GREB1L: variants seen among roughly 807,000 people sequenced by gnomAD.
GREB1L encodes the protein GREB1 like retinoic acid receptor coactivator.
Under a neutral mutation model 200.8 loss-of-function variants are expected in GREB1L, and 17 were observed. That is an observed-to-expected ratio of 0.08 (90% CI 0.06 to 0.13). The LOEUF (loss-of-function observed/expected upper bound fraction) is 0.13. GREB1L is among the 10% of genes least tolerant of loss of function. The probability of loss-of-function intolerance (pLI) is 1.00; values close to 1 mark genes in which losing one functional copy is unlikely to be tolerated. For missense variants in GREB1L, 1,657 were observed against 2,367.7 expected (o/e 0.70, Z 6.23); for synonymous variants, 789 against 893.0 (o/e 0.88, Z 2.08).
At chr18:21,275,856 A>G (rs780099368) in intron 1 of GREB1L, among the ~76,000 whole-genome samples, 4 of 152,184 alleles carry the variant, frequency 2.6e-5, no homozygotes, top group Non-Finnish European at 5.9e-5. Flanking sequence ...CTCTGACTGC[A>G]TTTGAGCTAC....
chr18:21,288,070 T>C (rs2038387165), intron 1 of GREB1L, among the ~76,000 whole-genome samples: 1 of 152,144 alleles, frequency 6.6e-6, no homozygotes, highest in African/African-American at 2.4e-5. Flanking sequence ...CCCATAGTGT[T>C]GGGATTACAG....
intron 5 of GREB1L, among the ~76,000 whole-genome samples, chr18:21,400,440 T>G (rs2041270011): frequency 3.3e-5 from 5 of 152,166 alleles, no homozygotes; most frequent in Admixed American, 3.3e-4. Flanking sequence ...TATAGCTAGA[T>G]CTCACAGAAA....
At chr18:21,460,601 A>G (rs1367749941) in intron 15 of GREB1L, among the ~76,000 whole-genome samples, 2 of 151,760 alleles carry the variant, frequency 1.3e-5, no homozygotes, top group African/African-American at 4.8e-5. Flanking sequence ...CGGCCTCCCA[A>G]AGTGCTGGGA....
At chr18:21,391,229 T>A (rs1471383391) in intron 4 of GREB1L, among the ~76,000 whole-genome samples, 1 of 152,240 alleles carries the variant, frequency 6.6e-6, no homozygotes, top group Non-Finnish European at 1.5e-5. Context: ...TTATCTTTTA[T>A]ATCGTATTTT....
At chr18:21,423,656 T>C (rs1220044221) in intron 7 of GREB1L, among the ~76,000 whole-genome samples, 2 of 152,130 alleles carry the variant, frequency 1.3e-5, no homozygotes, top group Non-Finnish European at 2.9e-5. Context: ...GCCCAGGAGT[T>C]TGAGACCAGC....
chr18:21,309,987 C>A (rs993531903), intron 1 of GREB1L, among the ~76,000 whole-genome samples: 6 of 152,144 alleles, frequency 3.9e-5, no homozygotes, highest in African/African-American at 1.4e-4. Flanking sequence ...TAGACCTTAA[C>A]CTGTCCAGTA....
At chr18:21,390,685 C>T (rs1325802982) in intron 4 of GREB1L, among the ~76,000 whole-genome samples, 2 of 152,070 alleles carry the variant, frequency 1.3e-5, no homozygotes, top group Non-Finnish European at 2.9e-5. Context: ...TACAGGCGCC[C>T]ACCACCATGC....
chr18:21,521,814 G>A (rs2146134662), intron 32 of GREB1L, among the ~76,000 whole-genome samples: 1 of 151,850 alleles, frequency 6.6e-6, no homozygotes, highest in East Asian at 1.9e-4. Context: ...GACCAGCCTG[G>A]GCAACACTGT....
intron 2 of GREB1L, among the ~76,000 whole-genome samples, chr18:21,367,996 T>C (rs904214716): frequency 5.3e-5 from 8 of 152,220 alleles, no homozygotes; most frequent in African/African-American, 1.9e-4. Flanking sequence ...TATTTTGATA[T>C]TCCAGTTTAT....
At chr18:21,502,768 G>A (rs1033835500) in intron 23 of GREB1L, among the ~76,000 whole-genome samples, 38 of 152,150 alleles carry the variant, frequency 2.5e-4, no homozygotes, top group Admixed American at 8.5e-4. Flanking sequence ...AAGCAGACCG[G>A]GAGTCGAGGC....
chr18:21,397,055 G>A (rs2144407668), intron 5 of GREB1L, among the ~76,000 whole-genome samples: 1 of 152,254 alleles, frequency 6.6e-6, no homozygotes, highest in South Asian at 2.1e-4. Context: ...GTTATATAGT[G>A]TCATCAGAAA....
intron 31 of GREB1L, among the ~76,000 whole-genome samples, chr18:21,519,113 C>T (rs1226776426): frequency 6.6e-6 from 1 of 152,050 alleles, no homozygotes; most frequent in Non-Finnish European, 1.5e-5. Flanking sequence ...GTAATCTACA[C>T]TGTAGATTGG....
intron 17 of GREB1L, among the ~76,000 whole-genome samples, chr18:21,481,185 A>G (rs903063025): frequency 6.6e-6 from 1 of 151,992 alleles, no homozygotes; most frequent in African/African-American, 2.4e-5. Context: ...CTCCGTGGAA[A>G]AGAGAGAACA....
intron 1 of GREB1L, among the ~76,000 whole-genome samples, chr18:21,344,507 CAG>C (rs1567944696): frequency 6.6e-6 from 1 of 152,222 alleles, no homozygotes; most frequent in African/African-American, 2.4e-5. Context: ...TCTGATCTCA[CAG>C]ATGTTGTACT....
At chr18:21,369,936 G>A (rs76251503) in intron 2 of GREB1L, among the ~76,000 whole-genome samples, 1,412 of 139,224 alleles carry the variant, frequency 0.01, 15 homozygotes, top group Admixed American at 0.024. Flanking sequence ...GCAGCAGAGC[G>A]AGACTCCATC....
chr18:21,320,656 C>T (rs139474558), intron 1 of GREB1L, among the ~76,000 whole-genome samples: 1 of 151,900 alleles, frequency 6.6e-6, no homozygotes, highest in South Asian at 2.1e-4. Context: ...GTCCCAGCTA[C>T]TCAAGAGGCT....
chr18:21,269,344 T>C (rs1567915270), intron 1 of GREB1L, among the ~76,000 whole-genome samples: 3 of 152,194 alleles, frequency 2.0e-5, no homozygotes, highest in Non-Finnish European at 4.4e-5. Flanking sequence ...TTTTTTACAA[T>C]ATTTAGGAAT....
chr18:21,437,082 ACTTTT>A (rs1448622560), intron 7 of GREB1L, among the ~76,000 whole-genome samples: 1 of 151,834 alleles, frequency 6.6e-6, no homozygotes, highest in Non-Finnish European at 1.5e-5. Context: ...ATTTTTGGAA[ACTTTT>A]CTTTTTTCTT....
chr18:21,363,264 T>G (rs1279196414), intron 1 of GREB1L, among the ~76,000 whole-genome samples: 7 of 55,048 alleles, frequency 1.3e-4, no homozygotes, highest in East Asian at 1.2e-3. Flanking sequence ...AGGCTCCCCC[T>G]GCCCCCACTC....
Sources: gnomAD v4.1 joint callset for allele counts (sites outside exome capture counted in the v4.1 genomes callset) on GRCh38, gnomAD v4.1.1 for gene constraint, MANE v1.5 for transcripts, NCBI Gene and HGNC (gene_info 2026-07-23, HGNC 2026-07-21) for gene names.